MEG3: variants seen among roughly 807,000 people sequenced by gnomAD.
MEG3 encodes the protein maternally expressed 3.
chr14:100,848,199 A>G (rs1025562087), intron 3 of MEG3: 1 of 152,124 alleles, frequency 6.6e-6, no homozygotes, highest in African/African-American at 2.4e-5. Context: ...GAGCCATGCT[A>G]GAACAGGAAT....
At chr14:100,835,370 C>G (rs2037538923) in exon 1 of MEG3, 1 of 153,854 alleles carries the variant, frequency 6.5e-6, no homozygotes, top group Non-Finnish European at 1.4e-5. Flanking sequence ...CTTGGTCCAG[C>G]TCCTTCACTC....
downstream of MEG3, chr14:100,832,448 C>A (rs2037423211): frequency 2.0e-5 from 3 of 152,560 alleles, no homozygotes; most frequent in Admixed American, 2.0e-4. Flanking sequence ...CTCCCCTCCC[C>A]CTTACCCTGG....
At chr14:100,852,266 G>A (rs1396795862), upstream of MEG3, 8 of 509,480 alleles carry the variant, frequency 1.6e-5, no homozygotes, top group Admixed American at 1.6e-4. Flanking sequence ...AAAGCTATGG[G>A]GTTATAGACA....
intron 2 of MEG3, among the ~76,000 whole-genome samples, chr14:100,836,746 T>C (rs978259727): frequency 2.0e-5 from 3 of 152,202 alleles, no homozygotes; most frequent in Non-Finnish European, 2.9e-5. Context: ...AGACATTTCT[T>C]TCCACCAGCC....
downstream of MEG3, chr14:100,833,966 C>T (rs2037474500): frequency 6.6e-6 from 1 of 152,238 alleles, no homozygotes; most frequent in South Asian, 2.1e-4. Flanking sequence ...GCAAAACCAA[C>T]TCTACCCCAG....
chr14:100,831,493 G>GCTT (rs1256646256), downstream of MEG3: 1 of 152,650 alleles, frequency 6.6e-6, no homozygotes, highest in African/African-American at 2.4e-5. Context: ...TCAACCCACT[G>GCTT]CTTCCTGACT....
intron 1 of MEG3, chr14:100,860,434 A>G: frequency 2.8e-6 from 1 of 356,502 alleles, no homozygotes. Flanking sequence ...TCAGGACTAG[A>G]GTGATGCTTC....
chr14:100,850,946 ATGAAG>A (rs928610028), intron 3 of MEG3: 5 of 152,354 alleles, frequency 3.3e-5, no homozygotes, highest in Admixed American at 3.3e-4. Context: ...AGACAGTGGA[ATGAAG>A]TGGTCCCCAG....
rs774654485 is a variant in MEG3, at chr14:100,837,017, C to T, written n.3045+717C>T. Among the ~76,000 whole-genome samples, 7 of 152,144 alleles carry T rather than the reference C, an allele frequency of 4.6e-5. No individual in the cohort carries two copies. Among genetic ancestry groups the T allele is most frequent in the Non-Finnish European group, 7.3e-5 (5 of 68,032 alleles). On this transcript the variant is annotated intron_variant and non_coding_transcript_variant, in intron 2 of 3. Transcript: ENST00000398461. This position sits in a 1 kb window ranked among gnomAD's most constrained non-coding sequence, Gnocchi z 5.8. Reference sequence around the variant, plus strand: ...GTGTTTTACTAATTCAAGATGCAGCCGGGAGCCGTCCAGGGCTCGGGCCTG... The same window carrying T: ...GTGTTTTACTAATTCAAGATGCAGCTGGGAGCCGTCCAGGGCTCGGGCCTG...
At chr14:100,835,569 C>G (rs1463673577) in exon 1 of MEG3, 1 of 154,034 alleles carries the variant, frequency 6.5e-6, no homozygotes. Context: ...ACCAACCTCC[C>G]CTTCTCTGCC....
At chr14:100,826,706 C>T (rs1344476748) in intron 1 of MEG3, among the ~76,000 whole-genome samples, 1 of 152,166 alleles carries the variant, frequency 6.6e-6, no homozygotes, top group Admixed American at 6.5e-5. Context: ...AGCTGTTGGC[C>T]AGGTTTTTGG....
exon 1 of MEG3, chr14:100,834,313 AG>A (rs907858494): frequency 1.0e-5 from 2 of 199,386 alleles, no homozygotes; most frequent in African/African-American, 4.7e-5. Context: ...AGCCACTGTT[AG>A]TGCTGCAGTA....
chr14:100,855,328 G>A (rs1241556459), upstream of MEG3: 2 of 152,288 alleles, frequency 1.3e-5, no homozygotes, highest in Non-Finnish European at 2.9e-5. Context: ...GCCATGGGCT[G>A]TGGTTATGAA....
At position 100,837,161 on chromosome 14, in the gene MEG3, G is replaced by A. The variant is rs1388285121; in HGVS notation, n.3045+861G>A. Among the ~76,000 whole-genome samples, 4 of 152,160 alleles carry A rather than the reference G, an allele frequency of 2.6e-5. No homozygotes were observed. The highest frequency in any genetic ancestry group is 5.9e-5 in the Non-Finnish European group (4 of 68,036). ...CACAGCAGCCAGGCGAGGTGTCGTC[G>A]AGGGCGGGGGCTCAGGGTGGCATGC... On this transcript the variant is annotated intron_variant and non_coding_transcript_variant, in intron 2 of 3. Transcript: ENST00000398461. The surrounding 1 kb of genome is among the most constrained non-coding windows in gnomAD (Gnocchi z 5.8).
At chr14:100,832,104 A>T (rs1313245360), downstream of MEG3, 1 of 126,212 alleles carries the variant, frequency 7.9e-6, no homozygotes, top group Non-Finnish European at 1.8e-5. Context: ...CTAAACAAAG[A>T]CATTAAAGAC....
intron 3 of MEG3, chr14:100,850,998 T>C (rs1321555341): frequency 6.6e-6 from 1 of 152,586 alleles, no homozygotes; most frequent in Non-Finnish European, 1.5e-5. Context: ...GCTTGTCACA[T>C]GCACTTGCCC....
chr14:100,841,873 G>A (rs1189576382), intron 2 of MEG3, among the ~76,000 whole-genome samples: 1 of 152,114 alleles, frequency 6.6e-6, no homozygotes. Context: ...CCCAACCCCC[G>A]TGGCTCACCT....
rs573469555 is a variant in MEG3 at position 100,826,272 on chromosome 14, G to C, written n.372-2436G>C. On this transcript the variant is annotated intron_variant and non_coding_transcript_variant, in intron 1 of 2. Transcript: ENST00000556407. ...GATGTGCAAAAGGAAGACGGCATCC[G>C]CTTCTGGGATGGGCTCTGTCCTCCT... 3 of 152,366 alleles carry C rather than the reference G, an allele frequency of 2.0e-5. No homozygotes were observed. The East Asian group carries it at 5.8e-4, about 29-fold the overall frequency. 9.4% of individuals were successfully genotyped at this position (152,366 alleles called of 1,614,324 possible).
At position 100,845,649 on chromosome 14, in the gene MEG3, G is replaced by A; in HGVS notation, n.3121+116G>A. The A allele has an allele frequency of 2.7e-6, 1 of 372,652 alleles. No homozygotes were observed. Among genetic ancestry groups the A allele is most frequent in the South Asian group, 1.9e-5 (1 of 51,310 alleles). The allele number at this position is 372,652 out of a possible 1,614,324, so 23.1% of individuals were successfully genotyped here. A position where few individuals can be genotyped will look rare whatever the true frequency, so the allele number is the denominator to read the frequency against. On this transcript the variant is annotated intron_variant and non_coding_transcript_variant, in intron 3 of 3. Transcript: ENST00000398461. The surrounding 1 kb of genome is among the most constrained non-coding windows in gnomAD (Gnocchi z 5.2). The stretch of plus-strand genomic sequence containing the variant: ...GGAGGGGCTGGCGGGCACTGGCCGG[G>A]GGTCTGTGCACCGGGAGGTGGGTGC...
Sources: gnomAD v4.1 joint callset for allele counts (sites outside exome capture counted in the v4.1 genomes callset) on GRCh38, gnomAD v4.1.1 for gene constraint, Gnocchi (gnomAD v3.1) non-coding constraint, MANE v1.5 for transcripts, NCBI Gene and HGNC (gene_info 2026-07-23, HGNC 2026-07-21) for gene names.